The following XCR1 variants were observed in gnomAD, a reference collection of about 807,000 sequenced individuals.
XCR1 encodes X-C motif chemokine receptor 1.
For synonymous variants in XCR1, 187 were observed against 188.5 expected (o/e 0.99, Z 0.06); for missense variants, 356 against 424.2 (o/e 0.84, Z 1.41).
At position 46,022,191 on chromosome 3, in the gene XCR1, C is replaced by T. The variant is rs973412487; in HGVS notation, c.-31-213G>A. ...TGGCGCATGCCTATAGTCCCAGCTA[C>T]TCAGGAAACCGGGGGGTGGGGAAAG... On this transcript the variant is annotated intron_variant, in intron 1 of 1. Coordinates refer to ENST00000309285, the MANE Select transcript of XCR1 (RefSeq NM_001024644.2). 5 of 427,622 alleles carry T rather than the reference C, an allele frequency of 1.2e-5. No homozygotes were observed. The South Asian group carries it at 1.8e-4, about 15-fold the overall frequency. The allele number at this position is 427,622 out of a possible 1,614,324, so 26.5% of individuals were successfully genotyped here.
At chr3:46,039,722 A>G (rs764788907) in intron 5 of XCR1, among the ~76,000 whole-genome samples, 1 of 152,228 alleles carries the variant, frequency 6.6e-6, no homozygotes, top group Non-Finnish European at 1.5e-5. Context: ...AATTAAAACT[A>G]TTCCATCCCT....
intron 5 of XCR1, among the ~76,000 whole-genome samples, chr3:46,034,453 T>C (rs944772744): frequency 6.6e-6 from 1 of 152,164 alleles, no homozygotes; most frequent in Admixed American, 6.5e-5. Context: ...ATTTCCTTTT[T>C]TTTTTGTTTT....
intron 1 of XCR1, among the ~76,000 whole-genome samples, chr3:46,078,871 T>C (rs1160983218): frequency 2.0e-5 from 3 of 152,008 alleles, no homozygotes; most frequent in South Asian, 2.1e-4. Flanking sequence ...GTCTAGGATA[T>C]AAAGGACGCT....
In XCR1 at chr3:46,021,662, C is replaced by T. The variant is rs142460103; in HGVS notation, c.286G>A (p.Val96Met). ...AGTTTGCAGAGGAAGTCTCCCAGCA[C>T]CCAGCCCCAGTGGTATGGGGAGATC... ...VWISPYHWGW[V>M]LGDFLCKLLN... The change falls in exon 2 of 2, where the codon GTG (valine) becomes ATG (methionine). Residue 96 changes from valine (V) to methionine (M), a missense_variant. Physicochemically the swap from Val to Met is conservative, Grantham distance 21. Coordinates refer to ENST00000309285, the MANE Select transcript of XCR1 (RefSeq NM_001024644.2). This position sits in a 1 kb window ranked among gnomAD's most constrained non-coding sequence, Gnocchi z 4.7. 2 of 1,607,164 alleles carry T rather than the reference C, an allele frequency of 1.2e-6. No individual in the cohort carries two copies. Among genetic ancestry groups the T allele is most frequent in the Non-Finnish European group, 1.7e-6 (2 of 1,177,172 alleles).
chr3:46,076,830 A>G (rs1011846712), exon 2 of XCR1, among the ~76,000 whole-genome samples: 4 of 152,170 alleles, frequency 2.6e-5, no homozygotes, highest in Non-Finnish European at 4.4e-5. Flanking sequence ...TAATATTGTC[A>G]CTTCTGAGGA....
At chr3:46,058,680 TGTA>T in intron 4 of XCR1, among the ~76,000 whole-genome samples, 1 of 152,278 alleles carries the variant, frequency 6.6e-6, no homozygotes, top group African/African-American at 2.4e-5. Flanking sequence ...CCTGAGTAGT[TGTA>T]GTCCTGAATA....
chr3:46,079,247 G>C (rs186256728), intron 1 of XCR1, among the ~76,000 whole-genome samples: 2 of 152,098 alleles, frequency 1.3e-5, no homozygotes, highest in African/African-American at 2.4e-5. Context: ...CTAGGAAAAC[G>C]GACCCATATA....
At chr3:46,077,981 T>C (rs1441372627) in intron 1 of XCR1, among the ~76,000 whole-genome samples, 4 of 152,176 alleles carry the variant, frequency 2.6e-5, no homozygotes, top group Admixed American at 2.0e-4. Context: ...TTGGGTACCA[T>C]GGTCGCTACC....
rs751809855 is a variant in XCR1 at position 46,021,154 on chromosome 3, A to G, written c.794T>C (p.Leu265Pro). The G allele has an allele frequency of 1.9e-6, 3 of 1,614,246 alleles. No homozygotes were observed. Among genetic ancestry groups the G allele is most frequent in the African/African-American group, 2.7e-5 (2 of 75,064 alleles). The part of the protein sequence containing the change: ...IIRSCEAKQQ[L>P]EYALLICRNL... ...GCGGCAGATGAGCAGGGCGTATTCTAGCTGCTGTTTGGCCTCGCAGCTCCG... is the reference window on the plus strand; with the variant it reads ...GCGGCAGATGAGCAGGGCGTATTCTGGCTGCTGTTTGGCCTCGCAGCTCCG... Residue 265 changes from leucine to proline, a missense_variant, in exon 2 of 2, where the codon CTA (leucine) becomes CCA (proline). By Grantham distance (98) the Leu-to-Pro change is moderately conservative. Coordinates refer to ENST00000309285, the MANE Select transcript of XCR1 (RefSeq NM_001024644.2). The surrounding 1 kb of genome is among the most constrained non-coding windows in gnomAD (Gnocchi z 4.7).
At chr3:46,049,455 T>A (rs1237434240) in intron 5 of XCR1, among the ~76,000 whole-genome samples, 1 of 152,292 alleles carries the variant, frequency 6.6e-6, no homozygotes, top group South Asian at 2.1e-4. Context: ...ATGAGAAATA[T>A]GAAAAGAAGC....
chr3:46,080,092 A>G (rs1288982056), intron 1 of XCR1, among the ~76,000 whole-genome samples: 2 of 151,688 alleles, frequency 1.3e-5, no homozygotes, highest in African/African-American at 4.8e-5. Context: ...TTTTAACAAT[A>G]TTCTGGAATG....
At chr3:46,058,357 A>T (rs1697893746) in intron 4 of XCR1, among the ~76,000 whole-genome samples, 1 of 152,194 alleles carries the variant, frequency 6.6e-6, no homozygotes, top group African/African-American at 2.4e-5. Context: ...GAGAAGGAAA[A>T]GGATGAACTC....
chr3:46,025,182 AAAAAT>A (rs72018671), intron 1 of XCR1, among the ~76,000 whole-genome samples: 2,912 of 152,312 alleles, frequency 0.019, 78 homozygotes, highest in African/African-American at 0.06. Context: ...TAAAAGCAGA[AAAAAT>A]AAAATAGAAA....
chr3:46,049,539 A>T (rs1697700179), intron 5 of XCR1, among the ~76,000 whole-genome samples: 1 of 152,220 alleles, frequency 6.6e-6, no homozygotes, highest in Non-Finnish European at 1.5e-5. Flanking sequence ...TAATTGTAGC[A>T]GTTTCTATGT....
chr3:46,021,140 G>A lies in XCR1; in HGVS notation c.808C>T (p.Leu270Phe), dbSNP rs1236112983. 14 of 1,614,162 alleles carry A rather than the reference G, an allele frequency of 8.7e-6. No individual in the cohort carries two copies. Among genetic ancestry groups the A allele is most frequent in the Admixed American group, 5.0e-5 (3 of 60,008 alleles). ...EAKQQLEYAL[L>F]ICRNLAFSHC... is the part of the protein sequence containing the mutation. ...GAGAAGGCGAGGTTGCGGCAGATGAGCAGGGCGTATTCTAGCTGCTGTTTG... is the reference window on the plus strand; with the variant it reads ...GAGAAGGCGAGGTTGCGGCAGATGAACAGGGCGTATTCTAGCTGCTGTTTG... The change falls in exon 2 of 2, where the codon CTC (leucine) becomes TTC (phenylalanine). Residue 270 changes from leucine (L) to phenylalanine (F), a missense_variant. Leu to Phe is a conservative substitution (Grantham distance 22). Coordinates refer to ENST00000309285, the MANE Select transcript of XCR1 (RefSeq NM_001024644.2). This position sits in a 1 kb window ranked among gnomAD's most constrained non-coding sequence, Gnocchi z 4.7.
intron 4 of XCR1, among the ~76,000 whole-genome samples, chr3:46,063,498 G>A (rs1698005494): frequency 6.6e-6 from 1 of 152,182 alleles, no homozygotes; most frequent in Non-Finnish European, 1.5e-5. Context: ...TCCTGCTGGT[G>A]CCTCCACTGT....
intron 4 of XCR1, among the ~76,000 whole-genome samples, chr3:46,061,903 TG>T (rs1697970255): frequency 6.6e-6 from 1 of 152,116 alleles, no homozygotes; most frequent in Non-Finnish European, 1.5e-5. Context: ...TCCAGCACTG[TG>T]GGCAAAGCTG....
chr3:46,021,363 C>T lies in XCR1; in HGVS notation c.585G>A (p.Leu195=), dbSNP rs1323963862. The change falls in exon 2 of 2, where the codon CTG becomes CTA. Residue 195 remains leucine (L), a synonymous_variant. Coordinates refer to ENST00000309285, the MANE Select transcript of XCR1 (RefSeq NM_001024644.2). The surrounding 1 kb of genome is among the most constrained non-coding windows in gnomAD (Gnocchi z 4.7). The stretch of plus-strand genomic sequence containing the variant: ...AGAACAGGATAATCCCCAGGGACAG[C>T]AGGAAGAAGAGGTTGTGCTGGTAGA... The part of the protein sequence containing the change: ...TSVYQHNLFF[L]LSLGIILFCY... 3 of 1,614,110 alleles carry T rather than the reference C, an allele frequency of 1.9e-6. No individual in the cohort carries two copies. Among genetic ancestry groups the T allele is most frequent in the Non-Finnish European group, 2.5e-6 (3 of 1,180,036 alleles).
chr3:46,074,124 G>A (rs973458211), intron 3 of XCR1, among the ~76,000 whole-genome samples: 2 of 150,578 alleles, frequency 1.3e-5, no homozygotes, highest in African/African-American at 4.9e-5. Context: ...ACTTGCACAT[G>A]CATGTTTATC....
Sources: allele counts gnomAD v4.1 joint callset (sites outside exome capture counted in the v4.1 genomes callset), GRCh38; gene constraint gnomAD v4.1.1; non-coding constraint Gnocchi (gnomAD v3.1); transcripts MANE v1.5; gene names NCBI Gene and HGNC (gene_info 2026-07-23, HGNC 2026-07-21).